MIPEP: variants seen among roughly 807,000 people sequenced by gnomAD.
MIPEP encodes mitochondrial intermediate peptidase.
MIPEP carries 79 observed loss-of-function variants against 90.3 expected under a neutral mutation model. The observed-to-expected ratio is 0.87, with a 90% CI of 0.73 to 1.05. The LOEUF (loss-of-function observed/expected upper bound fraction) is 1.05, where lower values mean the gene tolerates loss of function less well. Among genes scored for constraint, MIPEP ranks in the 50% least tolerant of loss-of-function variants. MIPEP has a pLI of 0.00. For missense variants in MIPEP, 940 were observed against 905.6 expected (o/e 1.04, Z -0.49); for synonymous variants, 334 against 315.8 (o/e 1.06, Z -0.61).
intron 3 of MIPEP, 98 bp downstream of exon 3, chr13:23,881,601 A>G (rs2312298): frequency 1.2e-5 from 12 of 1,012,938 alleles, no homozygotes; most frequent in Admixed American, 3.9e-5. Flanking sequence ...CTGCTGGGTG[A>G]GGGACAAGCG....
At chr13:23,744,275 T>G (rs1315398888) in intron 18 of MIPEP, among the ~76,000 whole-genome samples, 1 of 152,196 alleles carries the variant, frequency 6.6e-6, no homozygotes, top group Non-Finnish European at 1.5e-5. Flanking sequence ...TTCAGATTTG[T>G]CCCCATGATA....
At chr13:23,862,251 T>G in intron 9 of MIPEP, 51 bp downstream of exon 9, 1 of 1,096,904 alleles carries the variant, frequency 9.1e-7, no homozygotes, top group South Asian at 1.4e-5. Flanking sequence ...AGATATTGAT[T>G]TCAGTTGACA....
intron 12 of MIPEP, among the ~76,000 whole-genome samples, chr13:23,838,999 GTTATAAC>G (rs1470002233): frequency 6.6e-6 from 1 of 152,194 alleles, no homozygotes; most frequent in African/African-American, 2.4e-5. Context: ...CATTATTTCT[GTTATAAC>G]TTATAACCTA....
rs576934091 is a variant in MIPEP, at chr13:23,763,855, C to G, written c.1849-3638G>C. Among the ~76,000 whole-genome samples, 5 of 152,300 alleles carry G rather than the reference C, an allele frequency of 3.3e-5. No individual in the cohort carries two copies. The East Asian group carries it at 9.6e-4, about 29-fold the overall frequency. On this transcript the variant is annotated intron_variant, in intron 16 of 18. Coordinates refer to ENST00000382172, the MANE Select transcript of MIPEP (RefSeq NM_005932.4). ...TAAATAAATTATCTCCACCTGACAC[C>G]TTTCATCATAGGTTTGCAAGTCTGT... is the stretch of plus-strand genomic sequence containing the variant.
At chr13:23,883,382 A>G (rs1020684977) in intron 2 of MIPEP, among the ~76,000 whole-genome samples, 1 of 152,190 alleles carries the variant, frequency 6.6e-6, no homozygotes, top group Non-Finnish European at 1.5e-5. Context: ...CAACAAATAC[A>G]CAGTGAATTC....
chr13:23,736,547 C>A (rs1952265513), intron 18 of MIPEP, among the ~76,000 whole-genome samples: 1 of 152,078 alleles, frequency 6.6e-6, no homozygotes, highest in Non-Finnish European at 1.5e-5. Context: ...TCTGGCCTGA[C>A]TAATTTAAAT....
At chr13:23,861,047 T>G (rs1009074204) in intron 9 of MIPEP, among the ~76,000 whole-genome samples, 1 of 152,072 alleles carries the variant, frequency 6.6e-6, no homozygotes, top group African/African-American at 2.4e-5. Context: ...AATTTGCATT[T>G]CTAACAGGCT....
At position 23,870,112 on chromosome 13, in the gene MIPEP, A is replaced by C; in HGVS notation, c.687T>G (p.Ile229Met). The change falls in exon 6 of 19, where the codon ATT becomes ATG. Residue 229 changes from isoleucine (I) to methionine (M), a missense_variant. Physicochemically the swap from Ile to Met is conservative, Grantham distance 10. Coordinates refer to ENST00000382172, the MANE Select transcript of MIPEP (RefSeq NM_005932.4). ...TGTGTTCTGGTAAGAGATGCTTCTCAATCTTGTTGGGAAAATTGGTTCCCA... is the reference window on the plus strand; with the variant it reads ...TGTGTTCTGGTAAGAGATGCTTCTCCATCTTGTTGGGAAAATTGGTTCCCA... The part of the protein sequence containing the change: ...FLMGTNFPNK[I>M]EKHLLPEHIR... The C allele has an allele frequency of 6.2e-7, 1 of 1,612,678 alleles. No homozygotes were observed. Among genetic ancestry groups the C allele is most frequent in the South Asian group, 1.1e-5 (1 of 90,860 alleles).
intron 16 of MIPEP, among the ~76,000 whole-genome samples, chr13:23,784,939 A>G (rs1240458511): frequency 6.6e-6 from 1 of 152,256 alleles, no homozygotes; most frequent in Non-Finnish European, 1.5e-5. Flanking sequence ...CCACAGTGAG[A>G]TACCATCTCT....
intron 10 of MIPEP, among the ~76,000 whole-genome samples, chr13:23,849,124 T>C (rs1209597853): frequency 1.3e-5 from 2 of 152,180 alleles, no homozygotes; most frequent in Non-Finnish European, 2.9e-5. Flanking sequence ...TCCGCCTGCC[T>C]CCACAGAGCA....
At chr13:23,883,961 G>T (rs1871365219) in intron 2 of MIPEP, among the ~76,000 whole-genome samples, 1 of 152,086 alleles carries the variant, frequency 6.6e-6, no homozygotes, top group Admixed American at 6.6e-5. Flanking sequence ...ACCCTTTACA[G>T]TAAGATACTT....
intron 16 of MIPEP, among the ~76,000 whole-genome samples, chr13:23,777,591 G>C (rs1201457866): frequency 6.6e-6 from 1 of 152,176 alleles, no homozygotes; most frequent in Non-Finnish European, 1.5e-5. Context: ...AAGGTACTTT[G>C]CAACTTACGA....
intron 16 of MIPEP, among the ~76,000 whole-genome samples, chr13:23,802,202 C>T (rs1254021798): frequency 6.6e-6 from 1 of 152,152 alleles, no homozygotes; most frequent in African/African-American, 2.4e-5. Context: ...TGTGCATTCC[C>T]TGATTAATAT....
chr13:23,840,710 G>A (rs138831043), intron 11 of MIPEP, among the ~76,000 whole-genome samples: 113 of 152,270 alleles, frequency 7.4e-4, no homozygotes, highest in African/African-American at 2.6e-3. Context: ...GAAGAAAGCA[G>A]TGTGGTAAGC....
intron 14 of MIPEP, among the ~76,000 whole-genome samples, chr13:23,817,096 T>C (rs1170109210): frequency 1.3e-5 from 2 of 152,138 alleles, no homozygotes; most frequent in Admixed American, 6.5e-5. Context: ...TGTAGGAAGG[T>C]TGGTTGCCAG....
chr13:23,812,562 T>G (rs1454867927), intron 14 of MIPEP, among the ~76,000 whole-genome samples: 2 of 152,086 alleles, frequency 1.3e-5, no homozygotes, highest in African/African-American at 4.8e-5. Context: ...CTCTGGAAAC[T>G]TGAGTTCCAG....
chr13:23,782,421 C>A (rs1269442045), intron 16 of MIPEP, among the ~76,000 whole-genome samples: 1 of 152,094 alleles, frequency 6.6e-6, no homozygotes, highest in Non-Finnish European at 1.5e-5. Flanking sequence ...AACAAAGACA[C>A]AACATACCAG....
rs1189553225 is a variant in MIPEP, at chr13:23,848,308, C to T, written c.1107-6820G>A. On this transcript the variant is annotated intron_variant, in intron 10 of 18. Transcript: ENST00000382172. ...AAACCCAGCGGTTTCTACTTCTATT[C>T]CAGTTCCCTTCTTCTACTCCTATTC... 2.0e-5 allele frequency among the ~76,000 whole-genome samples: 3 copies of T among 152,178 alleles called. No individual in the cohort carries two copies. The East Asian group carries it at 5.8e-4, about 29-fold the overall frequency.
intron 14 of MIPEP, among the ~76,000 whole-genome samples, chr13:23,834,138 G>C (rs1868909527): frequency 6.6e-6 from 1 of 152,158 alleles, no homozygotes; most frequent in Non-Finnish European, 1.5e-5. Context: ...GGGATGAGGG[G>C]AGAGGGGCCG....
Sources: allele counts gnomAD v4.1 joint callset (sites outside exome capture counted in the v4.1 genomes callset), GRCh38; gene constraint gnomAD v4.1.1; transcripts MANE v1.5; gene names NCBI Gene and HGNC (gene_info 2026-07-23, HGNC 2026-07-21).